CEP290: variants seen among roughly 807,000 people sequenced by gnomAD.
CEP290 encodes centrosomal protein of 290 kDa.
In CEP290, 317 loss-of-function variants were observed where a neutral mutation model predicts 344.9. The ratio of observed to expected loss-of-function variants is 0.92; its 90% CI spans 0.84 to 1.01. The LOEUF (loss-of-function observed/expected upper bound fraction) is 1.01. CEP290 is among the 50% of genes least tolerant of loss of function. CEP290 has a pLI of 0.00. For synonymous variants in CEP290, 932 were observed against 895.8 expected (o/e 1.04, Z -0.72); for missense variants, 2,754 against 2,761.4 (o/e 1.00, Z 0.06).
At chr12:88,059,823 A>T (rs1412354091) in intron 48 of CEP290, 75 bp downstream of exon 48, 2 of 1,232,952 alleles carry the variant, frequency 1.6e-6, no homozygotes, top group Non-Finnish European at 2.2e-6. Flanking sequence ...CTCATCAAGG[A>T]TCTACTTCCA....
At chr12:88,122,809 C>T (rs186430193) in intron 13 of CEP290, among the ~76,000 whole-genome samples, 171 of 152,168 alleles carry the variant, frequency 1.1e-3, no homozygotes, top group Non-Finnish European at 1.9e-3. Context: ...ATATATATAT[C>T]GTGGGCTCTT....
At chr12:88,067,170 T>A (rs1394691797) in intron 44 of CEP290, among the ~76,000 whole-genome samples, 2 of 152,054 alleles carry the variant, frequency 1.3e-5, no homozygotes, top group Non-Finnish European at 2.9e-5. Flanking sequence ...TACCTTATTT[T>A]TGCTATTCAT....
At chr12:88,087,098 A>G (rs1027139222) in intron 32 of CEP290, among the ~76,000 whole-genome samples, 2 of 152,098 alleles carry the variant, frequency 1.3e-5, no homozygotes, top group African/African-American at 4.8e-5. Flanking sequence ...AAGCAGGGGG[A>G]ACAATCTCTG....
At chr12:88,120,461 A>C (rs908990248) in intron 14 of CEP290, among the ~76,000 whole-genome samples, 185 bp from the exon 15 acceptor site, 9 of 152,198 alleles carry the variant, frequency 5.9e-5, no homozygotes, top group Non-Finnish European at 5.9e-5. Context: ...TGTAATATGC[A>C]ACAGTTAAAA....
rs1430860494 is a variant in CEP290 at position 88,115,243 on chromosome 12, T to G, written c.1825-61A>C. ...CAACAAAATATCACAAGTCTATAATTTTCAAGTTAAGAAAAGTTTGATCAA... is the reference window on the plus strand; with the variant it reads ...CAACAAAATATCACAAGTCTATAATGTTCAAGTTAAGAAAAGTTTGATCAA... On this transcript the variant is annotated intron_variant, in intron 18 of 53. Transcript: ENST00000552810. 3 of 958,276 alleles carry G rather than the reference T, an allele frequency of 3.1e-6. No individual in the cohort carries two copies. In the African/African-American group the frequency reaches 5.0e-5, roughly 16 times the overall value. 59.4% of individuals were successfully genotyped at this position (958,276 alleles called of 1,614,324 possible).
chr12:88,049,594 G>A (rs1259984237), intron 53 of CEP290, 180 bp from the exon 54 acceptor site: 4 of 487,824 alleles, frequency 8.2e-6, no homozygotes, highest in Non-Finnish European at 1.5e-5. Context: ...TAACTAAGTT[G>A]TTAACTGTCA....
chr12:88,049,120 T>G lies in CEP290; in HGVS notation c.*64A>C, dbSNP rs775553869. 8.4e-6 allele frequency: 8 copies of G among 955,764 alleles called. No individual in the cohort carries two copies. Among genetic ancestry groups the G allele is most frequent in the African/African-American group, 1.7e-5 (1 of 59,754 alleles). 59.2% of individuals were successfully genotyped at this position (955,764 alleles called of 1,614,324 possible). A position where few individuals can be genotyped will look rare whatever the true frequency, so the allele number is the denominator to read the frequency against. On this transcript the variant is annotated 3_prime_UTR_variant, in exon 54 of 54. Coordinates refer to ENST00000552810, the MANE Select transcript of CEP290 (RefSeq NM_025114.4). ...ACTACAGTTCGGAGAACTGCTTATT[T>G]CCAAGTATATTTAACTTATAAAGTT...
At chr12:88,073,038 G>A (rs1159420554) in intron 41 of CEP290, among the ~76,000 whole-genome samples, 2 of 152,136 alleles carry the variant, frequency 1.3e-5, no homozygotes, top group Non-Finnish European at 2.9e-5. Context: ...CCTATCCAAT[G>A]CAGAATAGTC....
chr12:88,096,662 A>AC, intron 27 of CEP290, among the ~76,000 whole-genome samples: 1 of 152,146 alleles, frequency 6.6e-6, no homozygotes, highest in Non-Finnish European at 1.5e-5. Flanking sequence ...TTTTTAACAT[A>AC]TATGATTTCA....
At chr12:88,095,201 A>T (rs1401058552) in intron 27 of CEP290, among the ~76,000 whole-genome samples, 1 of 152,302 alleles carries the variant, frequency 6.6e-6, no homozygotes, top group East Asian at 1.9e-4. Context: ...TCTGATTAGA[A>T]GAGAAAAGCA....
intron 52 of CEP290, among the ~76,000 whole-genome samples, chr12:88,052,975 G>A (rs562339001): frequency 6.6e-6 from 1 of 152,112 alleles, no homozygotes; most frequent in Non-Finnish European, 1.5e-5. Flanking sequence ...GGGACATGTA[G>A]GTTGGATTAT....
At chr12:88,122,921 T>C (rs911202262) in intron 13 of CEP290, among the ~76,000 whole-genome samples, 6 of 151,924 alleles carry the variant, frequency 3.9e-5, no homozygotes, top group Non-Finnish European at 8.8e-5. Context: ...TTATGAAACA[T>C]CTTCTCCTAT....
chr12:88,119,371 TTAAC>T (rs1451997778), intron 15 of CEP290, among the ~76,000 whole-genome samples: 3 of 152,126 alleles, frequency 2.0e-5, no homozygotes, highest in Admixed American at 6.5e-5. Context: ...ATTAGTAATA[TTAAC>T]TAATAGGCTA....
chr12:88,071,965 T>C, intron 41 of CEP290, 39 bp from the exon 42 acceptor site: 1 of 1,496,152 alleles, frequency 6.7e-7, no homozygotes, highest in South Asian at 1.3e-5. Flanking sequence ...ATTACCAGTG[T>C]TATTTTAAAT....
intron 35 of CEP290, 35 bp downstream of exon 35, chr12:88,084,550 AT>A (rs2036431254): frequency 3.9e-6 from 6 of 1,543,554 alleles, no homozygotes; most frequent in African/African-American, 1.4e-5. Context: ...AAAAAAACTA[AT>A]GGATAACAGC....
intron 27 of CEP290, among the ~76,000 whole-genome samples, chr12:88,095,347 A>C (rs1227993138): frequency 2.0e-5 from 3 of 152,174 alleles, no homozygotes; most frequent in African/African-American, 7.2e-5. Flanking sequence ...GACATTTTTA[A>C]ACAAAGATAT....
chr12:88,100,977 A>G (rs2037826562), intron 26 of CEP290, among the ~76,000 whole-genome samples: 1 of 152,098 alleles, frequency 6.6e-6, no homozygotes, highest in South Asian at 2.1e-4. Flanking sequence ...CTTGACTTTT[A>G]CCCTTCAGGT....
intron 26 of CEP290, among the ~76,000 whole-genome samples, chr12:88,098,589 G>A (rs1340758876): frequency 1.3e-5 from 2 of 151,942 alleles, no homozygotes; most frequent in South Asian, 2.1e-4. Context: ...TCGAGCCTGG[G>A]CAACAGTGAG....
chr12:88,126,346 A>G lies in CEP290; in HGVS notation c.1035T>C (p.Ala345=), dbSNP rs778053081. 2.3e-5 allele frequency: 34 copies of G among 1,493,214 alleles called. No homozygotes were observed. The highest frequency in any genetic ancestry group is 2.8e-5 in the Non-Finnish European group (32 of 1,126,346). The allele number at this position is 1,493,214 out of a possible 1,614,324, so 92.5% of individuals were successfully genotyped here. A position where few individuals can be genotyped will look rare whatever the true frequency, so the allele number is the denominator to read the frequency against. ...REKLKNAQLD[A]DKSNVMALQQ... ...GTAGAGCCATAACATTACTTTTATC[A>G]GCATCAAGCTGAGCATTCTTAAGTT... The change falls in exon 12 of 54, where the codon GCT becomes GCC. Residue 345 remains alanine (A), a synonymous_variant. Coordinates refer to ENST00000552810, the MANE Select transcript of CEP290 (RefSeq NM_025114.4).
Sources: gnomAD v4.1 joint callset for allele counts (sites outside exome capture counted in the v4.1 genomes callset) on GRCh38, gnomAD v4.1.1 for gene constraint, MANE v1.5 for transcripts, NCBI Gene and HGNC (gene_info 2026-07-23, HGNC 2026-07-21) for gene names.